ERBIN: variants seen among roughly 807,000 people sequenced by gnomAD.
ERBIN encodes the protein erbb2 interacting protein, also known as densin-180-like protein.
ERBIN carries 60 observed loss-of-function variants against 158.4 expected under a neutral mutation model. That is an observed-to-expected ratio of 0.38 (90% CI 0.31 to 0.47). The LOEUF is 0.47. ERBIN is among the 20% of genes least tolerant of loss of function. The probability of loss-of-function intolerance (pLI) is 0.99; values close to 1 mark genes in which losing one functional copy is unlikely to be tolerated. For synonymous variants in ERBIN, 594 were observed against 557.2 expected (o/e 1.07, Z -0.93); for missense variants, 1,610 against 1,648.0 (o/e 0.98, Z 0.40).
intron 7 of ERBIN, among the ~76,000 whole-genome samples, chr5:66,015,415 A>G (rs1418215369): frequency 6.6e-6 from 1 of 152,186 alleles, no homozygotes; most frequent in East Asian, 1.9e-4. Flanking sequence ...ACAGCCACAT[A>G]CATTCATGTA....
At chr5:65,980,384 T>C (rs962965202) in intron 1 of ERBIN, among the ~76,000 whole-genome samples, 3 of 151,946 alleles carry the variant, frequency 2.0e-5, no homozygotes, top group Non-Finnish European at 4.4e-5. Context: ...GCCGAGATCA[T>C]GCCACTGCAC....
intron 1 of ERBIN, among the ~76,000 whole-genome samples, chr5:65,980,828 T>C (rs991647533): frequency 1.3e-5 from 2 of 152,106 alleles, no homozygotes; most frequent in Non-Finnish European, 2.9e-5. Context: ...GAAATAAATA[T>C]AAAAGAATAG....
intron 21 of ERBIN, among the ~76,000 whole-genome samples, chr5:66,059,418 C>T (rs1184083132): frequency 1.3e-5 from 2 of 152,190 alleles, no homozygotes; most frequent in East Asian, 3.8e-4. Context: ...AGTTGCTTAT[C>T]AGCTTAAGGA....
chr5:66,046,999 C>T (rs1265563847), intron 18 of ERBIN, among the ~76,000 whole-genome samples: 2 of 152,020 alleles, frequency 1.3e-5, no homozygotes, highest in African/African-American at 2.4e-5. Context: ...ATACAAATCA[C>T]TTATTTAAAG....
intron 4 of ERBIN, among the ~76,000 whole-genome samples, chr5:66,007,053 GATGAT>G (rs1175830092): frequency 6.7e-6 from 1 of 150,242 alleles, no homozygotes; most frequent in African/African-American, 2.5e-5. Flanking sequence ...ATACCCAAAG[GATGAT>G]AAATCATGCT....
chr5:66,063,879 C>T (rs1420605362), intron 21 of ERBIN, among the ~76,000 whole-genome samples: 3 of 152,102 alleles, frequency 2.0e-5, no homozygotes, highest in Admixed American at 2.0e-4. Context: ...CACTTATATA[C>T]GTACACACAT....
chr5:66,025,492 A>G lies in ERBIN; in HGVS notation c.830A>G (p.Asn277Ser). The G allele has an allele frequency of 6.2e-7, 1 of 1,611,870 alleles. No homozygotes were observed. Among genetic ancestry groups the G allele is most frequent in the Non-Finnish European group, 8.5e-7 (1 of 1,178,348 alleles). ...QLPETIGSLK[N>S]ITTLKIDENQ... ...CTTCCCTCATTAGGTTCGTTGAAGA[A>G]TATAACAACGCTTAAAATAGATGAA... is the stretch of plus-strand genomic sequence containing the variant. The change falls in exon 11 of 26, where the codon AAT (asparagine) becomes AGT (serine). Residue 277 changes from asparagine to serine, a missense_variant. Asn to Ser is a conservative substitution (Grantham distance 46). Transcript: ENST00000284037.
Position 66,023,337 on chromosome 5 carries a change from T to C in ERBIN, c.645T>C (p.Asp215=), listed in dbSNP as rs377662735. The C allele has an allele frequency of 1.9e-6, 3 of 1,613,058 alleles. No individual in the cohort carries two copies. The highest frequency in any genetic ancestry group is 2.5e-6 in the Non-Finnish European group (3 of 1,179,308). ...GTGGATTGAAAGAGTTTTGGATGGA[T>C]GCTAATAGACTGACTTTTATTCCAG... ...QLSGLKEFWM[D]ANRLTFIPGF... is the part of the protein sequence containing the mutation. The change falls in exon 9 of 26, where the codon GAT becomes GAC. Residue 215 remains aspartate (D), a synonymous_variant. Transcript: ENST00000284037.
At chr5:66,073,841 C>A (rs115169732) in intron 22 of ERBIN, among the ~76,000 whole-genome samples, 8 of 151,936 alleles carry the variant, frequency 5.3e-5, no homozygotes, top group East Asian at 1.9e-4. Flanking sequence ...ACACAAAAAT[C>A]TTTTTATATG....
intron 24 of ERBIN, 120 bp from the exon 25 acceptor site, chr5:66,076,755 C>A: frequency 1.4e-6 from 1 of 732,140 alleles, no homozygotes; most frequent in South Asian, 1.6e-5. Flanking sequence ...TCAGAGAAGT[C>A]AGGGAGAAAA....
At chr5:66,035,744 G>A (rs1194943313) in intron 14 of ERBIN, among the ~76,000 whole-genome samples, 31 of 152,138 alleles carry the variant, frequency 2.0e-4, no homozygotes. Flanking sequence ...AAAGTTAAAT[G>A]CATTATCAAA....
Position 65,992,909 on chromosome 5 carries a change from T to TAA in ERBIN, c.189+3_189+4insAA. Reference sequence around the variant, plus strand: ...AATCAGATTGAAGAGCTTCCAAAGGTATGCTAATACTTTCTTTCAAGAATT... The same window carrying TAA: ...AATCAGATTGAAGAGCTTCCAAAGGTAAATGCTAATACTTTCTTTCAAGAATT... On this transcript the variant is annotated splice_region_variant and intron_variant, in intron 3 of 25. Transcript: ENST00000284037. 6.4e-7 allele frequency: 1 copy of TAA among 1,570,236 alleles called. No homozygotes were observed. The highest frequency in any genetic ancestry group is 8.6e-7 in the Non-Finnish European group (1 of 1,160,834).
In ERBIN at chr5:66,038,411, A is replaced by T; in HGVS notation, c.1235A>T (p.Glu412Val). Residue 412 changes from glutamate to valine, a missense_variant, in exon 15 of 26, where the codon GAA (glutamate) becomes GTA (valine). Physicochemically the swap from Glu to Val is moderately radical, Grantham distance 121. Coordinates refer to ENST00000284037, the MANE Select transcript of ERBIN (RefSeq NM_001253697.2). The stretch of plus-strand genomic sequence containing the variant: ...AAACCCCTGATACCTCTTCAAAAAG[A>T]AACTGATTCAGAGACCCAGAAAATG... ...QSKPLIPLQK[E>V]TDSETQKMVL... 6.2e-7 allele frequency: 1 copy of T among 1,612,262 alleles called. No individual in the cohort carries two copies. The highest frequency in any genetic ancestry group is 1.7e-5 in the Admixed American group (1 of 59,908).
intron 4 of ERBIN, among the ~76,000 whole-genome samples, chr5:66,009,986 T>C (rs567438370): frequency 6.6e-6 from 1 of 152,336 alleles, no homozygotes; most frequent in South Asian, 2.1e-4. Flanking sequence ...ATTCTGTGTT[T>C]AGCATTTTGA....
At chr5:66,057,843 T>C (rs7718347) in intron 21 of ERBIN, among the ~76,000 whole-genome samples, 2,322 of 151,202 alleles carry the variant, frequency 0.015, 61 homozygotes, top group African/African-American at 0.055. Flanking sequence ...AGAATGATGG[T>C]TTCCAGCTTC....
chr5:65,979,949 G>T (rs1487354037), intron 1 of ERBIN, among the ~76,000 whole-genome samples: 1 of 152,184 alleles, frequency 6.6e-6, no homozygotes, highest in Non-Finnish European at 1.5e-5. Context: ...TAGGTTATAT[G>T]TGAAATGGTG....
rs752498860 is a variant in ERBIN, at chr5:66,053,675, C to T, written c.2357C>T (p.Thr786Ile). Residue 786 changes from threonine (T) to isoleucine (I), a missense_variant, in exon 21 of 26, where the codon ACA becomes ATA. Physicochemically the swap from Thr to Ile is moderately conservative, Grantham distance 89. Around this residue, in one of 2 missense-constraint regions of ERBIN, gnomAD observed 1,014 missense variants for 936.1 expected, o/e 1.08. Coordinates refer to ENST00000284037, the MANE Select transcript of ERBIN (RefSeq NM_001253697.2). ...CCAGAGATCATGGAAAGATCAAAAA[C>T]ACAGGATATTGTGCTTGGAACAAGC... The part of the protein sequence containing the change: ...FQPEIMERSK[T>I]QDIVLGTSFL... The T allele has an allele frequency of 6.2e-7, 1 of 1,613,794 alleles. No individual in the cohort carries two copies.
chr5:66,032,770 G>T (rs1346591393), intron 14 of ERBIN, among the ~76,000 whole-genome samples: 1 of 152,158 alleles, frequency 6.6e-6, no homozygotes, highest in African/African-American at 2.4e-5. Context: ...AGAACTGGGG[G>T]AAGAGCAGGT....
intron 1 of ERBIN, among the ~76,000 whole-genome samples, chr5:65,940,586 C>T (rs1744820811): frequency 7.8e-6 from 1 of 128,798 alleles, no homozygotes; most frequent in South Asian, 2.5e-4. Flanking sequence ...GCCCGGCCGC[C>T]CCTACTGGGA....
Sources: gnomAD v4.1 joint callset for allele counts (sites outside exome capture counted in the v4.1 genomes callset) on GRCh38, gnomAD v4.1.1 for gene constraint, gnomAD v4.1.1 regional missense constraint, MANE v1.5 for transcripts, NCBI Gene and HGNC (gene_info 2026-07-23, HGNC 2026-07-21) for gene names.